The following NEK7 variants were observed in gnomAD, a reference collection of about 807,000 sequenced individuals.
NEK7 encodes serine/threonine-protein kinase Nek7.
A neutral mutation model predicts 44.6 loss-of-function variants in NEK7; 18 were observed. That is an observed-to-expected ratio of 0.40 (90% CI 0.28 to 0.60). The LOEUF is 0.60. Among genes scored for constraint, NEK7 ranks in the 20% least tolerant of loss-of-function variants. The pLI is 0.38. For synonymous variants in NEK7, 130 were observed against 121.1 expected (o/e 1.07, Z -0.48); for missense variants, 256 against 366.5 (o/e 0.70, Z 2.46).
intron 9 of NEK7, among the ~76,000 whole-genome samples, chr1:198,308,312 T>G (rs1655074153): frequency 6.6e-6 from 1 of 152,170 alleles, no homozygotes; most frequent in Admixed American, 6.5e-5. Flanking sequence ...AGTTATTTAA[T>G]GTATACAATT....
chr1:198,253,253 T>G, intron 3 of NEK7, 73 bp downstream of exon 3: 1 of 994,722 alleles, frequency 1.0e-6, no homozygotes, highest in Non-Finnish European at 1.5e-6. Context: ...AAGTATATCC[T>G]GAATGATTGG....
At chr1:198,215,674 C>T (rs561899611) in intron 1 of NEK7, among the ~76,000 whole-genome samples, 13 of 151,832 alleles carry the variant, frequency 8.6e-5, no homozygotes, top group South Asian at 4.2e-4. Context: ...ACACCTAACA[C>T]GTGAGGATTC....
intron 2 of NEK7, among the ~76,000 whole-genome samples, chr1:198,248,878 T>C (rs1457291929): frequency 6.6e-6 from 1 of 152,002 alleles, no homozygotes; most frequent in Non-Finnish European, 1.5e-5. Context: ...GCTTTTATTT[T>C]ATTTTATTTT....
chr1:198,299,556 G>A (rs568822693), intron 9 of NEK7, among the ~76,000 whole-genome samples: 124 of 152,258 alleles, frequency 8.1e-4, no homozygotes, highest in African/African-American at 2.2e-3. Context: ...TTAATTAAAA[G>A]ACAGTTTATT....
intron 3 of NEK7, chr1:198,256,394 A>G (rs759896939): frequency 1.9e-6 from 3 of 1,612,198 alleles, no homozygotes; most frequent in Non-Finnish European, 1.7e-6. Context: ...CTTGGAAATC[A>G]TAAAGGGATC....
intron 5 of NEK7, among the ~76,000 whole-genome samples, chr1:198,266,102 A>G (rs1653643803): frequency 6.6e-6 from 1 of 152,030 alleles, no homozygotes; most frequent in Non-Finnish European, 1.5e-5. Flanking sequence ...ATACTAATAC[A>G]TTTATTCTTT....
At chr1:198,291,209 C>T (rs1450892665) in intron 7 of NEK7, among the ~76,000 whole-genome samples, 1 of 151,840 alleles carries the variant, frequency 6.6e-6, no homozygotes, top group Non-Finnish European at 1.5e-5. Context: ...TTTTCAGTTG[C>T]CCCCCTGTGG....
At chr1:198,184,899 A>G (rs1213313667) in intron 1 of NEK7, among the ~76,000 whole-genome samples, 1 of 151,814 alleles carries the variant, frequency 6.6e-6, no homozygotes, top group East Asian at 1.9e-4. Flanking sequence ...AGTAGAGACA[A>G]GGTCTCGCTA....
chr1:198,314,483 C>T lies in NEK7; in HGVS notation c.799-4929C>T, dbSNP rs193260941. The stretch of plus-strand genomic sequence containing the variant: ...TTGTTCCGTTGCTGGTGAGGAACTG[C>T]ATTCCTTTGGAGGAGGAGAGGCGCT... On this transcript the variant is annotated intron_variant, in intron 9 of 9. Transcript: ENST00000367385. 6.9e-4 allele frequency among the ~76,000 whole-genome samples: 102 copies of T among 148,874 alleles called. 2 individuals are homozygous for T. The highest frequency in any genetic ancestry group is 5.9e-3 in the Admixed American group (89 of 15,162).
Position 198,159,832 on chromosome 1 carries a change from C to A in NEK7, c.-29+2556C>A, listed in dbSNP as rs540117997. ...GAGGGGAGATTTGATGCCTCTATAGCTAACATACCTGATTAATAAATTTAA... is the reference window on the plus strand; with the variant it reads ...GAGGGGAGATTTGATGCCTCTATAGATAACATACCTGATTAATAAATTTAA... On this transcript the variant is annotated intron_variant, in intron 1 of 9. Coordinates refer to ENST00000367385, the MANE Select transcript of NEK7 (RefSeq NM_133494.3). Among the ~76,000 whole-genome samples the A allele has an allele frequency of 9.2e-5, 14 of 152,136 alleles. No individual in the cohort carries two copies. In the East Asian group the frequency reaches 2.7e-3, roughly 29 times the overall value.
chr1:198,269,378 G>A lies in NEK7; in HGVS notation c.372+5143G>A, dbSNP rs1213929915. Among the ~76,000 whole-genome samples the A allele has an allele frequency of 3.9e-5, 6 of 152,006 alleles. No homozygotes were observed. The East Asian group carries it at 1.2e-3, about 29-fold the overall frequency. Reference sequence around the variant, plus strand: ...TGTATTTTTTTACGGGAGTGGGGTTGGGTAGTTAAGAAATTCTAAAATTGT... The same window carrying A: ...TGTATTTTTTTACGGGAGTGGGGTTAGGTAGTTAAGAAATTCTAAAATTGT... On this transcript the variant is annotated intron_variant, in intron 5 of 9. Transcript: ENST00000367385.
intron 1 of NEK7, among the ~76,000 whole-genome samples, chr1:198,223,909 A>ATTCT (rs1666140546): frequency 1.3e-5 from 2 of 152,194 alleles, no homozygotes; most frequent in Admixed American, 6.5e-5. Flanking sequence ...TGACCAATGT[A>ATTCT]AAAATCTTGT....
At chr1:198,233,564 C>T (rs1666461548) in intron 2 of NEK7, among the ~76,000 whole-genome samples, 1 of 152,082 alleles carries the variant, frequency 6.6e-6, no homozygotes. Flanking sequence ...TGCCTTTGGG[C>T]TACTGATAAG....
At position 198,232,476 on chromosome 1, in the gene NEK7, G is replaced by A. The variant is rs570124118; in HGVS notation, c.-28-77G>A. The A allele has an allele frequency of 1.7e-4, 115 of 671,580 alleles. 1 individual carries two copies. The highest frequency in any genetic ancestry group is 1.7e-3 in the African/African-American group (91 of 55,122). The allele number at this position is 671,580 out of a possible 1,614,324, so 41.6% of individuals were successfully genotyped here. A position where few individuals can be genotyped will look rare whatever the true frequency, so the allele number is the denominator to read the frequency against. ...TCAAGTAAATCTCTAGCATTTGAAT[G>A]CATGTGTCGGTGTATGATGAATGAT... On this transcript the variant is annotated intron_variant, in intron 1 of 9. Transcript: ENST00000367385.
chr1:198,293,677 A>G (rs775118331), intron 8 of NEK7, among the ~76,000 whole-genome samples: 8 of 151,970 alleles, frequency 5.3e-5, no homozygotes, highest in Non-Finnish European at 7.4e-5. Context: ...CACATTTTAC[A>G]TCTGTGTTGG....
intron 1 of NEK7, among the ~76,000 whole-genome samples, chr1:198,189,595 A>T (rs1665017222): frequency 6.6e-6 from 1 of 152,202 alleles, no homozygotes; most frequent in Non-Finnish European, 1.5e-5. Context: ...TGACCCACTT[A>T]CAGGCCTCAT....
chr1:198,240,234 CTTTAAA>C (rs983926084), intron 2 of NEK7, among the ~76,000 whole-genome samples: 2 of 152,136 alleles, frequency 1.3e-5, no homozygotes, highest in Non-Finnish European at 2.9e-5. Flanking sequence ...TTTGAGTTGT[CTTTAAA>C]TTTAGATTCA....
chr1:198,258,955 A>C (rs1653363788), intron 3 of NEK7, among the ~76,000 whole-genome samples: 1 of 152,172 alleles, frequency 6.6e-6, no homozygotes, highest in Non-Finnish European at 1.5e-5. Flanking sequence ...AATATTCATT[A>C]TTATTTATTT....
intron 1 of NEK7, among the ~76,000 whole-genome samples, chr1:198,175,303 T>C (rs1664573747): frequency 6.6e-6 from 1 of 152,204 alleles, no homozygotes; most frequent in African/African-American, 2.4e-5. Flanking sequence ...TTAAATGTGT[T>C]TTTCATTTTT....
Sources: allele counts gnomAD v4.1 joint callset (sites outside exome capture counted in the v4.1 genomes callset), GRCh38; gene constraint gnomAD v4.1.1; transcripts MANE v1.5; gene names NCBI Gene and HGNC (gene_info 2026-07-23, HGNC 2026-07-21).